Variants in ATP2B2 observed in about 807,000 individuals in gnomAD.
ATP2B2 encodes the protein plasma membrane calcium-transporting ATPase 2.
A neutral mutation model predicts 120.0 loss-of-function variants in ATP2B2; 15 were observed. The ratio of observed to expected loss-of-function variants is 0.12; its 90% CI spans 0.08 to 0.19. ATP2B2 has a LOEUF of 0.19. Among genes scored for constraint, ATP2B2 ranks in the 10% least tolerant of loss-of-function variants. ATP2B2 has a pLI of 1.00. For synonymous variants in ATP2B2, 694 were observed against 700.3 expected (o/e 0.99, Z 0.14); for missense variants, 1,045 against 1,719.8 (o/e 0.61, Z 6.94).
At chr3:10,372,714 T>C (rs1019835714) in intron 11 of ATP2B2, among the ~76,000 whole-genome samples, 4 of 152,244 alleles carry the variant, frequency 2.6e-5, no homozygotes, top group African/African-American at 7.2e-5. Context: ...ACTAGGTACA[T>C]CTTGTATATC....
At chr3:10,665,699 C>T (rs2070912227) in intron 1 of ATP2B2, among the ~76,000 whole-genome samples, 1 of 152,198 alleles carries the variant, frequency 6.6e-6, no homozygotes, top group Admixed American at 6.5e-5. Context: ...CAATTTCTTC[C>T]TAAAATTTAG....
intron 2 of ATP2B2, among the ~76,000 whole-genome samples, chr3:10,613,592 C>A (rs922410678): frequency 2.0e-5 from 3 of 152,134 alleles, no homozygotes; most frequent in African/African-American, 7.2e-5. Flanking sequence ...TCCTTCTAAT[C>A]TCACCCCCAG....
At chr3:10,437,117 C>T (rs989571656) in intron 2 of ATP2B2, among the ~76,000 whole-genome samples, 3 of 152,108 alleles carry the variant, frequency 2.0e-5, no homozygotes, top group South Asian at 4.2e-4. Flanking sequence ...CACATAGAGA[C>T]GTGGTTGAAA....
intron 1 of ATP2B2, among the ~76,000 whole-genome samples, chr3:10,662,268 G>T (rs1427646409): frequency 6.6e-6 from 1 of 151,898 alleles, no homozygotes; most frequent in Non-Finnish European, 1.5e-5. Context: ...AAGAGCTTCT[G>T]CACAGCAAAA....
intron 10 of ATP2B2, among the ~76,000 whole-genome samples, chr3:10,377,346 CT>C (rs146585175): frequency 0.041 from 6,295 of 152,302 alleles, 205 homozygotes; most frequent in African/African-American, 0.089. Flanking sequence ...AAGCTCCCAG[CT>C]AGCCGGGAGC....
intron 1 of ATP2B2, among the ~76,000 whole-genome samples, chr3:10,495,896 T>C (rs1575408708): frequency 6.6e-6 from 1 of 152,242 alleles, no homozygotes; most frequent in African/African-American, 2.4e-5. Context: ...CGCAGTCGTA[T>C]ACCACCTTCT....
chr3:10,345,903 G>C, intron 17 of ATP2B2, 128 bp downstream of exon 17: 1 of 952,402 alleles, frequency 1.0e-6, no homozygotes, highest in Non-Finnish European at 1.6e-6. Flanking sequence ...TCTCGAGAAG[G>C]GTGGGCACCC....
chr3:10,340,355 G>T lies in ATP2B2; in HGVS notation c.3130-6C>A. 6.2e-7 allele frequency: 1 copy of T among 1,613,970 alleles called. No individual in the cohort carries two copies. Among genetic ancestry groups the T allele is most frequent in the Non-Finnish European group, 8.5e-7 (1 of 1,179,900 alleles). ...CCAAACTGCACGATCACTATCTGGA[G>T]GTCACAGGGGAGCAGAGAAAGAGAG... is the stretch of plus-strand genomic sequence containing the variant. On this transcript the variant is annotated splice_polypyrimidine_tract_variant and splice_region_variant and intron_variant, in intron 20 of 22. Transcript: ENST00000360273. This position sits in a 1 kb window ranked among gnomAD's most constrained non-coding sequence, Gnocchi z 5.0.
At chr3:10,614,826 T>C (rs1455820347) in intron 2 of ATP2B2, among the ~76,000 whole-genome samples, 1 of 152,070 alleles carries the variant, frequency 6.6e-6, no homozygotes, top group Non-Finnish European at 1.5e-5. Flanking sequence ...AAATAAAGAG[T>C]CAGTACCAAG....
intron 1 of ATP2B2, among the ~76,000 whole-genome samples, chr3:10,457,027 C>T (rs780816377): frequency 1.8e-4 from 28 of 152,122 alleles, no homozygotes; most frequent in Admixed American, 1.6e-3. Flanking sequence ...TTCCTCTGCA[C>T]GTGTGTGTAA....
At chr3:10,564,159 G>A (rs980060587) in intron 2 of ATP2B2, among the ~76,000 whole-genome samples, 1 of 152,208 alleles carries the variant, frequency 6.6e-6, no homozygotes, top group African/African-American at 2.4e-5. Context: ...TAGAGGACCT[G>A]TCTGTCAGAA....
chr3:10,608,823 T>C (rs932857218), intron 2 of ATP2B2, among the ~76,000 whole-genome samples: 26 of 152,172 alleles, frequency 1.7e-4, no homozygotes, highest in African/African-American at 5.8e-4. Context: ...TTGGCAAGAC[T>C]AGGGGCGCTG....
chr3:10,428,656 G>A (rs1395092185), intron 2 of ATP2B2, among the ~76,000 whole-genome samples: 1 of 152,224 alleles, frequency 6.6e-6, no homozygotes, highest in African/African-American at 2.4e-5. Flanking sequence ...AGTCCATTGA[G>A]TTCTGTGTAG....
intron 2 of ATP2B2, among the ~76,000 whole-genome samples, chr3:10,571,843 A>T (rs1204082666): frequency 6.6e-6 from 1 of 152,214 alleles, no homozygotes; most frequent in Non-Finnish European, 1.5e-5. Context: ...GTCTGGTGAG[A>T]TAGCAATTCC....
chr3:10,580,034 G>C (rs924217501), intron 2 of ATP2B2, among the ~76,000 whole-genome samples: 5 of 152,112 alleles, frequency 3.3e-5, no homozygotes, highest in African/African-American at 1.2e-4. Context: ...GGCTCTAATG[G>C]CAGGGATAGG....
rs548696305 is a variant in ATP2B2 at position 10,416,763 on chromosome 3, T to A, written c.200-5948A>T. ...GAGGGAAGGACTTTCTTTTTCTTTT[T>A]CTTTTTTTTTTTTTTAATTAGAAAG... is the stretch of plus-strand genomic sequence containing the variant. On this transcript the variant is annotated intron_variant, in intron 2 of 22. Transcript: ENST00000360273. Among the ~76,000 whole-genome samples, 23 of 150,964 alleles carry A rather than the reference T, an allele frequency of 1.5e-4. No homozygotes were observed. In the East Asian group the frequency reaches 4.5e-3, roughly 29 times the overall value.
intron 2 of ATP2B2, among the ~76,000 whole-genome samples, chr3:10,580,500 G>A (rs1455829285): frequency 6.6e-6 from 1 of 152,102 alleles, no homozygotes; most frequent in Non-Finnish European, 1.5e-5. Flanking sequence ...GGTCAGCTTG[G>A]CCTGGTCCCA....
chr3:10,428,617 A>G (rs2063215514), intron 2 of ATP2B2, among the ~76,000 whole-genome samples: 1 of 152,202 alleles, frequency 6.6e-6, no homozygotes, highest in South Asian at 2.1e-4. Flanking sequence ...ATGGGGAGAC[A>G]CAATGTTCCC....
At chr3:10,672,252 T>G (rs1422501471) in intron 1 of ATP2B2, among the ~76,000 whole-genome samples, 1 of 152,192 alleles carries the variant, frequency 6.6e-6, no homozygotes, top group Non-Finnish European at 1.5e-5. Flanking sequence ...CGCTCCAGCT[T>G]CCAAGCCCAT....
Sources: gnomAD v4.1 joint callset for allele counts (sites outside exome capture counted in the v4.1 genomes callset) on GRCh38, gnomAD v4.1.1 for gene constraint, Gnocchi (gnomAD v3.1) non-coding constraint, MANE v1.5 for transcripts, NCBI Gene and HGNC (gene_info 2026-07-23, HGNC 2026-07-21) for gene names.